LRFN5: variants seen among roughly 807,000 people sequenced by gnomAD.
LRFN5 encodes leucine rich repeat and fibronectin type III domain containing 5.
LRFN5 carries 24 observed loss-of-function variants against 45.6 expected under a neutral mutation model. That is an observed-to-expected ratio of 0.53 (90% CI 0.38 to 0.74). The LOEUF (loss-of-function observed/expected upper bound fraction) is 0.74, where lower values mean the gene tolerates loss of function less well. Ranked by LOEUF, LRFN5 falls within the 30% of genes least tolerant of loss-of-function variation. The pLI, the probability that LRFN5 is intolerant of heterozygous loss-of-function variation, is 0.00. For missense variants in LRFN5, 776 were observed against 861.5 expected (o/e 0.90, Z 1.24); for synonymous variants, 340 against 313.8 (o/e 1.08, Z -0.88).
At chr14:41,783,348 G>T (rs1019460358) in intron 2 of LRFN5, among the ~76,000 whole-genome samples, 1 of 152,082 alleles carries the variant, frequency 6.6e-6, no homozygotes, top group Non-Finnish European at 1.5e-5. Flanking sequence ...CAGGTAAGCG[G>T]ATGCTGTCTG....
At chr14:41,619,494 A>AT (rs1302240704) in intron 1 of LRFN5, among the ~76,000 whole-genome samples, 1 of 152,030 alleles carries the variant, frequency 6.6e-6, no homozygotes, top group African/African-American at 2.4e-5. Flanking sequence ...TGCATGTCAT[A>AT]TTCACTTAAA....
intron 1 of LRFN5, among the ~76,000 whole-genome samples, chr14:41,645,349 C>G (rs978470431): frequency 1.3e-5 from 2 of 152,300 alleles, no homozygotes; most frequent in East Asian, 3.9e-4. Context: ...GTCGTCCTGC[C>G]TCAGCCTCCA....
chr14:41,783,344 A>G (rs903811649), intron 2 of LRFN5, among the ~76,000 whole-genome samples: 1 of 152,152 alleles, frequency 6.6e-6, no homozygotes, highest in Non-Finnish European at 1.5e-5. Flanking sequence ...GCTCCAGGTA[A>G]GCGGATGCTG....
At position 41,631,991 on chromosome 14, in the gene LRFN5, C is replaced by T. The variant is rs572866565; in HGVS notation, c.-197+23429C>T. ...TATAAAGGATTGCTCTGGCTGCTGC[C>T]CTTGAATAGACTCTAATGACACAAA... On this transcript the variant is annotated intron_variant, in intron 1 of 5. Coordinates refer to ENST00000298119, the MANE Select transcript of LRFN5 (RefSeq NM_152447.5). 2.6e-5 allele frequency among the ~76,000 whole-genome samples: 4 copies of T among 152,058 alleles called. No homozygotes were observed. In the South Asian group the frequency reaches 8.3e-4, roughly 32 times the overall value.
chr14:41,793,700 G>GA (rs35581928), intron 2 of LRFN5, among the ~76,000 whole-genome samples: 88 of 145,912 alleles, frequency 6.0e-4, no homozygotes, highest in Admixed American at 1.4e-3. Flanking sequence ...CTACTCCTAA[G>GA]AAAAAAAAAA....
chr14:41,858,418 T>A (rs2139092080), intron 2 of LRFN5, among the ~76,000 whole-genome samples: 1 of 152,174 alleles, frequency 6.6e-6, no homozygotes, highest in Non-Finnish European at 1.5e-5. Flanking sequence ...CCATAATACA[T>A]CCCTTTTTTT....
intron 1 of LRFN5, among the ~76,000 whole-genome samples, chr14:41,711,014 T>C (rs1212377742): frequency 1.3e-5 from 2 of 152,190 alleles, no homozygotes; most frequent in Non-Finnish European, 2.9e-5. Flanking sequence ...CTTGCATATT[T>C]AGATAATCAA....
chr14:41,819,620 A>G (rs566479274), intron 2 of LRFN5, among the ~76,000 whole-genome samples: 7 of 152,248 alleles, frequency 4.6e-5, no homozygotes, highest in African/African-American at 1.7e-4. Context: ...TACTCATGGC[A>G]GAAGGCAAAG....
At chr14:41,871,798 C>T (rs1422631154) in intron 2 of LRFN5, among the ~76,000 whole-genome samples, 1 of 152,118 alleles carries the variant, frequency 6.6e-6, no homozygotes, top group Non-Finnish European at 1.5e-5. Flanking sequence ...AATTTATTAT[C>T]TCTTATCACA....
intron 2 of LRFN5, among the ~76,000 whole-genome samples, chr14:41,855,872 T>A (rs1198587197): frequency 6.6e-6 from 1 of 152,156 alleles, no homozygotes; most frequent in East Asian, 1.9e-4. Flanking sequence ...ACTGTAGACA[T>A]GGTGATATAT....
chr14:41,895,231 C>T (rs1041835381), intron 4 of LRFN5, among the ~76,000 whole-genome samples: 5 of 152,024 alleles, frequency 3.3e-5, no homozygotes, highest in African/African-American at 1.2e-4. Context: ...TCTAACGTAG[C>T]CCCAAATTTT....
chr14:41,733,918 T>C (rs1451121239), intron 1 of LRFN5, among the ~76,000 whole-genome samples: 2 of 151,314 alleles, frequency 1.3e-5, no homozygotes, highest in South Asian at 2.1e-4. Context: ...TCTGTTGTTA[T>C]TGTATTGCAG....
At chr14:41,799,386 G>T (rs1441588703) in intron 2 of LRFN5, among the ~76,000 whole-genome samples, 2 of 151,926 alleles carry the variant, frequency 1.3e-5, no homozygotes, top group Non-Finnish European at 2.9e-5. Flanking sequence ...TATTGAGGGG[G>T]ATCACTGCTG....
chr14:41,670,833 C>T (rs1377193373), intron 1 of LRFN5, among the ~76,000 whole-genome samples: 3 of 151,948 alleles, frequency 2.0e-5, no homozygotes, highest in Non-Finnish European at 4.4e-5. Context: ...AGCCATTATT[C>T]CCTTAATGAT....
In LRFN5 at chr14:41,894,793, C is replaced by T. The variant is rs149380989; in HGVS notation, c.2098+2831C>T. ...AAATAAGAATTTTCATTTGTTAGTACAATACAGATTTGTTATCTAAATATT... is the reference window on the plus strand; with the variant it reads ...AAATAAGAATTTTCATTTGTTAGTATAATACAGATTTGTTATCTAAATATT... On this transcript the variant is annotated intron_variant, in intron 4 of 5. Coordinates refer to ENST00000298119, the MANE Select transcript of LRFN5 (RefSeq NM_152447.5). 115 of 981,210 alleles carry T rather than the reference C, an allele frequency of 1.2e-4. No individual in the cohort carries two copies. In the African/African-American group the frequency reaches 2.0e-3, roughly 17 times the overall value. 60.8% of individuals were successfully genotyped at this position (981,210 alleles called of 1,614,324 possible).
At chr14:41,782,974 C>CTTTT (rs57305924) in intron 2 of LRFN5, among the ~76,000 whole-genome samples, 23,994 of 127,468 alleles carry the variant, frequency 0.19, 3,102 homozygotes, top group Non-Finnish European at 0.2. Flanking sequence ...GGTGATACAG[C>CTTTT]TTTTTTTTTT....
At chr14:41,854,989 T>C (rs1045725819) in intron 2 of LRFN5, among the ~76,000 whole-genome samples, 3 of 152,100 alleles carry the variant, frequency 2.0e-5, no homozygotes, top group Non-Finnish European at 4.4e-5. Flanking sequence ...TTAGTTAAAT[T>C]CTCCAGGTGA....
At chr14:41,731,691 T>A (rs1884183765) in intron 1 of LRFN5, 1 of 152,150 alleles carries the variant, frequency 6.6e-6, no homozygotes, top group African/African-American at 2.4e-5. Flanking sequence ...TTAGCCATCA[T>A]CAGCCAGAAA....
At chr14:41,639,892 C>T (rs1248713480) in intron 1 of LRFN5, among the ~76,000 whole-genome samples, 2 of 151,658 alleles carry the variant, frequency 1.3e-5, no homozygotes, top group African/African-American at 4.8e-5. Flanking sequence ...AAGTGAACCT[C>T]CTACCTCAGC....
Sources: allele counts gnomAD v4.1 joint callset (sites outside exome capture counted in the v4.1 genomes callset), GRCh38; gene constraint gnomAD v4.1.1; transcripts MANE v1.5; gene names NCBI Gene and HGNC (gene_info 2026-07-23, HGNC 2026-07-21).